JMJD1C: variants seen among roughly 807,000 people sequenced by gnomAD.
The protein encoded by JMJD1C is jumonji domain containing 1C.
In JMJD1C, 31 loss-of-function variants were observed where a neutral mutation model predicts 245.3. That is an observed-to-expected ratio of 0.13 (90% CI 0.09 to 0.17). The LOEUF is 0.17. JMJD1C is among the 10% of genes least tolerant of loss of function. The pLI, the probability that JMJD1C is intolerant of heterozygous loss-of-function variation, is 1.00. For missense variants in JMJD1C, 2,691 were observed against 3,000.2 expected, an observed-to-expected ratio of 0.90 and a Z score of 2.41; for synonymous variants, 1,057 against 1,017.4, an observed-to-expected ratio of 1.04 and a Z score of -0.74.
chr10:63,468,336 A>T (rs1953382682), upstream of JMJD1C, among the ~76,000 whole-genome samples: 1 of 152,116 alleles, frequency 6.6e-6, no homozygotes, highest in Non-Finnish European at 1.5e-5. Context: ...ATGTAGAATA[A>T]AAAGTCCTTA....
At chr10:63,238,189 A>AAAAAAAAAG (rs986291984) in intron 3 of JMJD1C, among the ~76,000 whole-genome samples, 53,756 of 135,136 alleles carry the variant, frequency 0.4, 11,671 homozygotes, top group South Asian at 0.51. Flanking sequence ...TCAAAAAAAA[A>AAAAAAAAAG]AAAAAAGAAA....
intron 2 of JMJD1C, among the ~76,000 whole-genome samples, chr10:63,291,111 C>T (rs1397902581): frequency 6.6e-6 from 1 of 151,248 alleles, no homozygotes; most frequent in East Asian, 2.0e-4. Context: ...TCAAGACCAG[C>T]CTGGCTAACA....
chr10:63,315,189 C>T (rs1212344195), intron 2 of JMJD1C, among the ~76,000 whole-genome samples: 1 of 152,090 alleles, frequency 6.6e-6, no homozygotes, highest in African/African-American at 2.4e-5. Context: ...AACTATGTTG[C>T]TGAAGTTTGG....
chr10:63,209,262 C>G (rs765119939), intron 8 of JMJD1C, 27 bp from the exon 9 acceptor site: 1 of 1,563,968 alleles, frequency 6.4e-7, no homozygotes, highest in Non-Finnish European at 8.7e-7. Flanking sequence ...ACAAAAAAAA[C>G]ACCTAGATTT....
At chr10:63,369,747 C>T (rs1946145303) in intron 2 of JMJD1C, among the ~76,000 whole-genome samples, 1 of 151,986 alleles carries the variant, frequency 6.6e-6, no homozygotes, top group African/African-American at 2.4e-5. Context: ...GCCTATACAC[C>T]AAAGAAGAAA....
chr10:63,203,608 A>G, intron 10 of JMJD1C: 1 of 957,748 alleles, frequency 1.0e-6, no homozygotes. Flanking sequence ...AAAATTAGAT[A>G]AAATGTAAGA....
intron 2 of JMJD1C, among the ~76,000 whole-genome samples, chr10:63,325,570 T>C (rs1941408603): frequency 6.6e-6 from 1 of 152,204 alleles, no homozygotes; most frequent in Admixed American, 6.5e-5. Flanking sequence ...CTCTTTTCTG[T>C]ATCTAGAGCC....
intron 22 of JMJD1C, among the ~76,000 whole-genome samples, chr10:63,181,003 C>T (rs567907482): frequency 1.8e-4 from 27 of 152,084 alleles, no homozygotes; most frequent in Admixed American, 1.1e-3. Context: ...CTCCTGACCT[C>T]GTGATCCGCC....
chr10:63,246,230 A>G (rs1852181964), intron 3 of JMJD1C, among the ~76,000 whole-genome samples: 2 of 152,172 alleles, frequency 1.3e-5, no homozygotes, highest in Admixed American at 1.3e-4. Context: ...CAGACATACC[A>G]AACAGATGTG....
intron 3 of JMJD1C, among the ~76,000 whole-genome samples, chr10:63,243,791 G>T (rs890744233): frequency 6.6e-6 from 1 of 152,114 alleles, no homozygotes; most frequent in African/African-American, 2.4e-5. Context: ...ATATGAGAGG[G>T]AGACAGTCCT....
At chr10:63,393,994 G>C (rs563893837) in intron 1 of JMJD1C, among the ~76,000 whole-genome samples, 1 of 152,110 alleles carries the variant, frequency 6.6e-6, no homozygotes, top group East Asian at 1.9e-4. Context: ...GACCAGTCTG[G>C]CCAACATGGC....
intron 2 of JMJD1C, among the ~76,000 whole-genome samples, chr10:63,270,394 C>T (rs939725280): frequency 6.6e-6 from 1 of 151,914 alleles, no homozygotes. Flanking sequence ...CTCAAAAACT[C>T]CTGACCTCAG....
intron 2 of JMJD1C, among the ~76,000 whole-genome samples, chr10:63,271,427 C>T (rs1259776004): frequency 1.3e-5 from 2 of 152,132 alleles, no homozygotes; most frequent in African/African-American, 4.8e-5. Context: ...ATCCACCGAT[C>T]TCAGCCTCTC....
rs1386690769 is a variant in JMJD1C at position 63,263,066 on chromosome 10, TCTAA to T, written c.447+1581_447+1584del. Among the ~76,000 whole-genome samples the T allele has an allele frequency of 4.6e-5, 7 of 152,274 alleles. No homozygotes were observed. In the East Asian group the frequency reaches 5.8e-4, roughly 13 times the overall value. On this transcript the variant is annotated intron_variant, in intron 3 of 25. Transcript: ENST00000399262. ...CCTAGATTCACCTACTCTAACTCCCTCTAACTGACTGGGGGAAATGAAATGATAA... is the reference window on the plus strand; with the variant it reads ...CCTAGATTCACCTACTCTAACTCCCTCTGACTGGGGGAAATGAAATGATAA...
At chr10:63,407,340 A>G (rs1949228980) in intron 1 of JMJD1C, among the ~76,000 whole-genome samples, 1 of 152,238 alleles carries the variant, frequency 6.6e-6, no homozygotes, top group South Asian at 2.1e-4. Context: ...AAGCTGACAT[A>G]ATGAAATATG....
intron 2 of JMJD1C, chr10:63,269,236 G>C: frequency 1.0e-6 from 1 of 984,440 alleles, no homozygotes; most frequent in Non-Finnish European, 1.2e-6. Context: ...CTTGGCTTAG[G>C]GCACACTGAG....
chr10:63,202,247 C>CT (rs1846104247), intron 10 of JMJD1C: 1 of 957,248 alleles, frequency 1.0e-6, no homozygotes, highest in African/African-American at 1.8e-5. Flanking sequence ...GAGTAAGACT[C>CT]TGTCTAAAAA....
intron 3 of JMJD1C, among the ~76,000 whole-genome samples, chr10:63,246,484 T>C (rs1852218214): frequency 6.6e-6 from 1 of 152,154 alleles, no homozygotes; most frequent in African/African-American, 2.4e-5. Context: ...ATACTGTCTC[T>C]AGCAAAGCTA....
chr10:63,300,203 G>GT (rs2133986052), intron 2 of JMJD1C, among the ~76,000 whole-genome samples: 2 of 152,304 alleles, frequency 1.3e-5, no homozygotes, highest in East Asian at 3.9e-4. Flanking sequence ...CCTGATTACA[G>GT]TACTAGTGAG....
Sources: allele counts gnomAD v4.1 joint callset (sites outside exome capture counted in the v4.1 genomes callset), GRCh38; gene constraint gnomAD v4.1.1; transcripts MANE v1.5; gene names NCBI Gene and HGNC (gene_info 2026-07-23, HGNC 2026-07-21).